The following DPP10 variants were observed in gnomAD, a reference collection of about 807,000 sequenced individuals.
DPP10 encodes inactive dipeptidyl peptidase 10.
DPP10 carries 33 observed loss-of-function variants against 120.9 expected under a neutral mutation model. The ratio of observed to expected loss-of-function variants is 0.27; its 90% CI spans 0.21 to 0.37. DPP10 has a LOEUF of 0.37. DPP10 is among the 10% of genes least tolerant of loss of function. The probability of loss-of-function intolerance (pLI) is 1.00; values close to 1 mark genes in which losing one functional copy is unlikely to be tolerated. For synonymous variants in DPP10, 337 were observed against 326.1 expected, an observed-to-expected ratio of 1.03 and a Z score of -0.36; for missense variants, 816 against 942.8, an observed-to-expected ratio of 0.87 and a Z score of 1.76.
intron 7 of DPP10, among the ~76,000 whole-genome samples, chr2:115,691,240 T>C (rs769244760): frequency 6.6e-6 from 1 of 152,128 alleles, no homozygotes; most frequent in Non-Finnish European, 1.5e-5. Flanking sequence ...ACAAACATAT[T>C]TTTTTATAAA....
chr2:115,192,040 C>G (rs11123286), intron 1 of DPP10, among the ~76,000 whole-genome samples: 56,528 of 152,082 alleles, frequency 0.37, 12,839 homozygotes, highest in Non-Finnish European at 0.5. Flanking sequence ...ATAGGCCTTT[C>G]TACTTTCCCT....
At chr2:114,762,707 G>T (rs1013240576) in intron 1 of DPP10, among the ~76,000 whole-genome samples, 4 of 152,164 alleles carry the variant, frequency 2.6e-5, no homozygotes, top group Non-Finnish European at 4.4e-5. Flanking sequence ...CATCAGAAAA[G>T]ATCCATAACA....
chr2:115,452,274 A>G (rs2073168042), intron 3 of DPP10, among the ~76,000 whole-genome samples: 2 of 151,984 alleles, frequency 1.3e-5, no homozygotes, highest in African/African-American at 4.8e-5. Context: ...AAAGGCAGGA[A>G]AATGTATTTA....
At chr2:115,478,391 T>A (rs918324606) in intron 3 of DPP10, among the ~76,000 whole-genome samples, 2 of 152,216 alleles carry the variant, frequency 1.3e-5, no homozygotes, top group African/African-American at 4.8e-5. Context: ...ACTAAAATGA[T>A]GTTTAAAAAC....
At chr2:115,477,110 A>G (rs1315828099) in intron 3 of DPP10, among the ~76,000 whole-genome samples, 1 of 152,174 alleles carries the variant, frequency 6.6e-6, no homozygotes, top group African/African-American at 2.4e-5. Context: ...CAGAAAAATG[A>G]TAGGATGCTC....
intron 5 of DPP10, among the ~76,000 whole-genome samples, chr2:115,626,281 T>A (rs1303096301): frequency 6.6e-6 from 1 of 152,008 alleles, no homozygotes; most frequent in Admixed American, 6.6e-5. Context: ...ACATACATGA[T>A]CTTAACCAAA....
intron 1 of DPP10, among the ~76,000 whole-genome samples, chr2:114,856,114 G>A (rs1689349417): frequency 6.6e-6 from 1 of 152,150 alleles, no homozygotes. Context: ...GGCATTGCAT[G>A]TAAGAAAGTA....
At chr2:115,078,578 T>C (rs914825272) in intron 1 of DPP10, among the ~76,000 whole-genome samples, 9 of 152,182 alleles carry the variant, frequency 5.9e-5, no homozygotes, top group African/African-American at 2.2e-4. Context: ...ATTTAAGTAG[T>C]ATGCTAAAAT....
chr2:114,600,599 T>C (rs980719402), intron 1 of DPP10, among the ~76,000 whole-genome samples: 2 of 151,870 alleles, frequency 1.3e-5, no homozygotes, highest in African/African-American at 4.8e-5. Context: ...AACCATGATA[T>C]AAATATTGCT....
chr2:115,494,019 G>T (rs1362138924), intron 3 of DPP10, among the ~76,000 whole-genome samples: 1 of 152,018 alleles, frequency 6.6e-6, no homozygotes, highest in Non-Finnish European at 1.5e-5. Flanking sequence ...TGCAACATTG[G>T]CTCAATGCAA....
chr2:115,358,970 G>A (rs181101206), intron 3 of DPP10, among the ~76,000 whole-genome samples: 6 of 152,190 alleles, frequency 3.9e-5, no homozygotes, highest in Admixed American at 1.3e-4. Context: ...GATCCCTCCC[G>A]TGGCACATGG....
chr2:114,763,313 C>G (rs965487321), intron 1 of DPP10, among the ~76,000 whole-genome samples: 2 of 152,136 alleles, frequency 1.3e-5, no homozygotes, highest in East Asian at 3.9e-4. Flanking sequence ...GAAGAAGAAA[C>G]CACTGACACG....
chr2:115,063,013 T>A (rs1040548355), intron 1 of DPP10, among the ~76,000 whole-genome samples: 3 of 152,208 alleles, frequency 2.0e-5, no homozygotes, highest in Non-Finnish European at 4.4e-5. Flanking sequence ...ACCAACACTG[T>A]AAAAGCGTTC....
At chr2:115,380,272 C>T (rs2066205468) in intron 3 of DPP10, among the ~76,000 whole-genome samples, 1 of 152,160 alleles carries the variant, frequency 6.6e-6, no homozygotes, top group Non-Finnish European at 1.5e-5. Flanking sequence ...ATAGTTAGCT[C>T]TTCTTGTTGA....
chr2:115,734,025 G>C (rs1205604713), intron 8 of DPP10, among the ~76,000 whole-genome samples: 1 of 152,152 alleles, frequency 6.6e-6, no homozygotes, highest in African/African-American at 2.4e-5. Flanking sequence ...TGACTGTTAA[G>C]CAAATGCATA....
chr2:114,783,056 CA>C (rs1682467690), intron 1 of DPP10, among the ~76,000 whole-genome samples: 2 of 151,688 alleles, frequency 1.3e-5, no homozygotes, highest in African/African-American at 2.4e-5. Flanking sequence ...AGATTAGAAA[CA>C]AAAAATATCT....
At chr2:115,193,351 GCTTC>G (rs1473881088) in intron 1 of DPP10, among the ~76,000 whole-genome samples, 9 of 152,074 alleles carry the variant, frequency 5.9e-5, no homozygotes, top group Non-Finnish European at 1.2e-4. Flanking sequence ...TCCAAAGCAA[GCTTC>G]CTTTATGTCT....
At chr2:115,382,084 G>A (rs2066424779) in intron 3 of DPP10, among the ~76,000 whole-genome samples, 1 of 151,130 alleles carries the variant, frequency 6.6e-6, no homozygotes, top group Non-Finnish European at 1.5e-5. Flanking sequence ...GCTCCACCCA[G>A]TTCAGTTGGA....
intron 5 of DPP10, among the ~76,000 whole-genome samples, chr2:115,584,874 C>T (rs2082198054): frequency 6.6e-6 from 1 of 152,212 alleles, no homozygotes; most frequent in African/African-American, 2.4e-5. Context: ...CCTTCACAAT[C>T]TCTGTCCTCT....
Sources: gnomAD v4.1 joint callset for allele counts (sites outside exome capture counted in the v4.1 genomes callset) on GRCh38, gnomAD v4.1.1 for gene constraint, MANE v1.5 for transcripts, NCBI Gene and HGNC (gene_info 2026-07-23, HGNC 2026-07-21) for gene names.